Variants in CCBE1 observed in about 807,000 individuals in gnomAD.
CCBE1 encodes collagen and calcium-binding EGF domain-containing protein 1.
In CCBE1, 37 loss-of-function variants were observed where a neutral mutation model predicts 50.0. The observed-to-expected ratio is 0.74, with a 90% CI of 0.57 to 0.97. CCBE1 has a LOEUF of 0.97. Ranked by LOEUF, CCBE1 falls within the 50% of genes least tolerant of loss-of-function variation. The pLI is 0.00. For missense variants in CCBE1, 538 were observed against 523.8 expected (o/e 1.03, Z -0.26); for synonymous variants, 234 against 203.7 (o/e 1.15, Z -1.27).
intron 5 of CCBE1, among the ~76,000 whole-genome samples, chr18:59,461,896 C>T (rs980295300): frequency 6.6e-6 from 1 of 151,926 alleles, no homozygotes; most frequent in African/African-American, 2.4e-5. Flanking sequence ...CCACGCCCAG[C>T]TAATGTTTTG....
chr18:59,612,826 G>T (rs78107306), intron 2 of CCBE1, among the ~76,000 whole-genome samples: 27,286 of 109,868 alleles, frequency 0.25, 3,116 homozygotes, highest in East Asian at 0.42. Context: ...TTTTTTTTTT[G>T]TTTTTTTTTG....
chr18:59,640,789 C>CA (rs2053977217), intron 2 of CCBE1, among the ~76,000 whole-genome samples: 1 of 152,006 alleles, frequency 6.6e-6, no homozygotes, highest in South Asian at 2.1e-4. Context: ...AATTCACAAG[C>CA]AAAAAATCCA....
chr18:59,437,059 G>T (rs1433660627), intron 10 of CCBE1, among the ~76,000 whole-genome samples: 1 of 152,200 alleles, frequency 6.6e-6, no homozygotes, highest in Non-Finnish European at 1.5e-5. Context: ...AAATGAAGTT[G>T]AGAGGATGTT....
rs1295355689 is a variant in CCBE1 at position 59,552,572 on chromosome 18, C to A, written c.213-72334G>T. 3.3e-5 allele frequency among the ~76,000 whole-genome samples: 5 copies of A among 152,312 alleles called. No homozygotes were observed. In the East Asian group the frequency reaches 9.6e-4, roughly 29 times the overall value. ...AGTATCCATTTGCTGACTTAATCAT[C>A]CAAAAGAAGAGTATTTCAAAGTTGG... On this transcript the variant is annotated intron_variant, in intron 2 of 10. Transcript: ENST00000439986.
chr18:59,613,781 C>CT (rs796517980), intron 2 of CCBE1, among the ~76,000 whole-genome samples: 37 of 150,204 alleles, frequency 2.5e-4, no homozygotes, highest in African/African-American at 8.8e-4. Context: ...TTCTTAATGA[C>CT]TTTCACAATC....
At chr18:59,480,361 G>A in intron 2 of CCBE1, 123 bp from the exon 3 acceptor site, 1 of 669,796 alleles carries the variant, frequency 1.5e-6, no homozygotes, top group Non-Finnish European at 2.6e-6. Flanking sequence ...GCAAAGTAGG[G>A]GTGAAGTATT....
chr18:59,529,071 A>C (rs780958061), intron 2 of CCBE1, among the ~76,000 whole-genome samples: 1 of 152,190 alleles, frequency 6.6e-6, no homozygotes, highest in South Asian at 2.1e-4. Context: ...AGGGGAAGAG[A>C]CTAAGTCTGC....
intron 2 of CCBE1, among the ~76,000 whole-genome samples, chr18:59,594,271 G>T (rs2053318652): frequency 6.6e-6 from 1 of 152,216 alleles, no homozygotes. Context: ...CTGAAAATTT[G>T]AGTGCTAAAT....
intron 2 of CCBE1, among the ~76,000 whole-genome samples, chr18:59,654,865 G>A (rs1387110421): frequency 1.3e-5 from 2 of 150,894 alleles, no homozygotes; most frequent in African/African-American, 4.9e-5. Flanking sequence ...CACTTTGGGA[G>A]GCCGAGGCAG....
At chr18:59,602,041 CA>C (rs10714387) in intron 2 of CCBE1, among the ~76,000 whole-genome samples, 9,312 of 148,610 alleles carry the variant, frequency 0.063, 768 homozygotes, top group African/African-American at 0.19. Context: ...TAAGAAATGC[CA>C]AAAAAAAGAT....
At chr18:59,647,288 G>A (rs2054067501) in intron 2 of CCBE1, among the ~76,000 whole-genome samples, 1 of 152,136 alleles carries the variant, frequency 6.6e-6, no homozygotes, top group South Asian at 2.1e-4. Context: ...TTAGTTAAAT[G>A]GCTGTATAAT....
chr18:59,623,199 CT>C (rs2053735394), intron 2 of CCBE1, among the ~76,000 whole-genome samples: 1 of 152,078 alleles, frequency 6.6e-6, no homozygotes, highest in African/African-American at 2.4e-5. Flanking sequence ...AAAAAAAATC[CT>C]TTTTTAAAAA....
At chr18:59,443,055 C>T (rs965704305) in intron 7 of CCBE1, among the ~76,000 whole-genome samples, 2 of 152,036 alleles carry the variant, frequency 1.3e-5, no homozygotes, top group African/African-American at 2.4e-5. Context: ...GAGACCATAC[C>T]GAGTTTAACA....
At chr18:59,625,430 C>CAAAAAAAAAAAAAAAAAA (rs750324482) in intron 2 of CCBE1, among the ~76,000 whole-genome samples, 9 of 69,910 alleles carry the variant, frequency 1.3e-4, no homozygotes, top group African/African-American at 5.5e-4. Context: ...GATTCTGTCT[C>CAAAAAAAAAAAAAAAAAA]AAAAAAAAAA....
intron 2 of CCBE1, among the ~76,000 whole-genome samples, chr18:59,502,705 G>A (rs536527025): frequency 1.2e-4 from 18 of 151,716 alleles, no homozygotes; most frequent in East Asian, 1.9e-4. Flanking sequence ...CAAAAAAAAA[G>A]GCACAGCAGA....
chr18:59,692,955 A>AACACACACAC (rs1568276448), intron 2 of CCBE1, among the ~76,000 whole-genome samples: 62 of 143,180 alleles, frequency 4.3e-4, no homozygotes, highest in East Asian at 2.1e-3. Context: ...GTCAAGCCAA[A>AACACACACAC]GCACACACAC....
At chr18:59,639,056 T>C (rs770992608) in intron 2 of CCBE1, among the ~76,000 whole-genome samples, 3 of 152,186 alleles carry the variant, frequency 2.0e-5, no homozygotes, top group Non-Finnish European at 4.4e-5. Context: ...ACAGGTCTGC[T>C]TGGGCCCAGG....
rs372160793 is a variant in CCBE1, at chr18:59,666,487, C to T, written c.212+30142G>A. ...TAAGGATACAGGCTGGCAGCATAAG[C>T]CAGCAACTGCAATCACCCAGGACAA... On this transcript the variant is annotated intron_variant, in intron 2 of 10. Transcript: ENST00000439986. Among the ~76,000 whole-genome samples the T allele has an allele frequency of 6.6e-4, 100 of 152,244 alleles. No individual in the cohort carries two copies. The South Asian group carries it at 0.017, about 26-fold the overall frequency.
rs1331542360 is a variant in CCBE1 at position 59,431,311 on chromosome 18, A to G, written c.*4597T>C. The stretch of plus-strand genomic sequence containing the variant: ...TTTTGACTTGTTGTGAGATATAAAT[A>G]TTGACTATGCCAGGAAAAAATTCAT... On this transcript the variant is annotated 3_prime_UTR_variant, in exon 11 of 11. Transcript: ENST00000439986. The G allele has an allele frequency of 6.6e-6, 1 of 152,228 alleles. No individual in the cohort carries two copies. The highest frequency in any genetic ancestry group is 1.5e-5 in the Non-Finnish European group (1 of 68,050). 9.4% of individuals were successfully genotyped at this position (152,228 alleles called of 1,614,324 possible).
Sources: allele counts gnomAD v4.1 joint callset (sites outside exome capture counted in the v4.1 genomes callset), GRCh38; gene constraint gnomAD v4.1.1; transcripts MANE v1.5; gene names NCBI Gene and HGNC (gene_info 2026-07-23, HGNC 2026-07-21).